Variants in CCDC149 observed in about 807,000 individuals in gnomAD.
The protein encoded by CCDC149 is coiled-coil domain containing 149, also known as coiled-coil domain-containing protein 149.
In CCDC149, 45 loss-of-function variants were observed where a neutral mutation model predicts 59.9. The observed-to-expected ratio is 0.75, with a 90% CI of 0.59 to 0.96. The LOEUF is 0.96. CCDC149 is among the 40% of genes least tolerant of loss of function. CCDC149 has a pLI of 0.00. For synonymous variants in CCDC149, 245 were observed against 260.6 expected (o/e 0.94, Z 0.58); for missense variants, 584 against 664.7 (o/e 0.88, Z 1.33).
chr4:24,837,303 T>C lies in CCDC149; in HGVS notation c.587A>G (p.Asn196Ser), dbSNP rs143719102. 2.3e-5 allele frequency: 37 copies of C among 1,614,084 alleles called. No individual in the cohort carries two copies. The African/African-American group carries it at 3.2e-4, about 14-fold the overall frequency. Reference sequence around the variant, plus strand: ...ACTCAGGATATGGTTCAGCTCCTGGTTGAGCCTCTCCACTTTGTCCTGGTA... The same window carrying C: ...ACTCAGGATATGGTTCAGCTCCTGGCTGAGCCTCTCCACTTTGTCCTGGTA... Residue 196 changes from asparagine to serine, a missense_variant, in exon 6 of 13, where the codon AAC becomes AGC. Transcript: ENST00000635206. The surrounding 1 kb of genome is among the most constrained non-coding windows in gnomAD (Gnocchi z 4.3).
intron 1 of CCDC149, among the ~76,000 whole-genome samples, chr4:24,968,575 C>A (rs181919074): frequency 9.5e-4 from 144 of 152,344 alleles, no homozygotes; most frequent in African/African-American, 3.4e-3. Context: ...CCTGAGCCTT[C>A]GCCATTTAAG....
intron 12 of CCDC149, among the ~76,000 whole-genome samples, chr4:24,813,932 G>C (rs1033464826): frequency 6.6e-6 from 1 of 152,206 alleles, no homozygotes; most frequent in African/African-American, 2.4e-5. Context: ...ACAAACATCA[G>C]TATCAACAGG....
chr4:24,932,598 A>G (rs566500129), intron 1 of CCDC149, among the ~76,000 whole-genome samples: 35 of 152,226 alleles, frequency 2.3e-4, no homozygotes, highest in Non-Finnish European at 4.4e-4. Context: ...CTGTAAATAA[A>G]TCCAGATCCC....
intron 3 of CCDC149, among the ~76,000 whole-genome samples, chr4:24,862,178 A>G (rs1718427481): frequency 6.6e-6 from 1 of 152,218 alleles, no homozygotes; most frequent in South Asian, 2.1e-4. Flanking sequence ...AAACATATGC[A>G]TAATGGTCTG....
At chr4:24,886,173 C>G (rs944211249) in intron 1 of CCDC149, among the ~76,000 whole-genome samples, 3 of 152,166 alleles carry the variant, frequency 2.0e-5, no homozygotes, top group African/African-American at 7.2e-5. Flanking sequence ...AACTGACATT[C>G]TAACAAAGGA....
rs527420208 is a variant in CCDC149, at chr4:24,945,778, C to T, written c.-65+34291G>A. ...CTGGGATTACAAGGGCCTGCCACCA[C>T]GCCCTGCTAATTTTTGTATTTTTAG... On this transcript the variant is annotated intron_variant, in intron 1 of 12. Transcript: ENST00000389609. Among the ~76,000 whole-genome samples, 16 of 152,162 alleles carry T rather than the reference C, an allele frequency of 1.1e-4. No individual in the cohort carries two copies. In the South Asian group the frequency reaches 1.9e-3, roughly 18 times the overall value.
chr4:24,967,599 G>C (rs1345137566), intron 1 of CCDC149, among the ~76,000 whole-genome samples: 1 of 150,638 alleles, frequency 6.6e-6, no homozygotes, highest in African/African-American at 2.4e-5. Flanking sequence ...GGGCAACGAT[G>C]GACTTCTACA....
At chr4:24,896,918 T>G (rs1192130122) in intron 1 of CCDC149, among the ~76,000 whole-genome samples, 1 of 152,228 alleles carries the variant, frequency 6.6e-6, no homozygotes, top group Non-Finnish European at 1.5e-5. Flanking sequence ...AAGTATTAAC[T>G]GAGAAACCAT....
chr4:24,861,263 G>GCACACA (rs35082191), intron 3 of CCDC149, among the ~76,000 whole-genome samples: 33 of 148,478 alleles, frequency 2.2e-4, no homozygotes, highest in African/African-American at 4.7e-4. Flanking sequence ...ATATATATAT[G>GCACACA]CACACACACA....
intron 1 of CCDC149, among the ~76,000 whole-genome samples, chr4:24,900,958 C>T (rs771663430): frequency 3.9e-5 from 6 of 152,162 alleles, no homozygotes; most frequent in Non-Finnish European, 8.8e-5. Context: ...AGGTCAAGGT[C>T]AGCATGAAGA....
At chr4:24,857,018 C>G (rs1184464044) in intron 3 of CCDC149, among the ~76,000 whole-genome samples, 1 of 152,154 alleles carries the variant, frequency 6.6e-6, no homozygotes, top group Non-Finnish European at 1.5e-5. Context: ...CAAAATTCAC[C>G]TAAACCTTCA....
chr4:24,931,180 A>G lies in CCDC149; in HGVS notation c.-64-36062T>C, dbSNP rs535452188. On this transcript the variant is annotated intron_variant, in intron 1 of 12. Transcript: ENST00000389609. The stretch of plus-strand genomic sequence containing the variant: ...TCCACCATGATCATCATATATATGT[A>G]TATGTGTGTATATATATATATGTAT... Among the ~76,000 whole-genome samples the G allele has an allele frequency of 1.4e-4, 21 of 150,414 alleles. No homozygotes were observed. The South Asian group carries it at 4.4e-3, about 31-fold the overall frequency.
intron 1 of CCDC149, among the ~76,000 whole-genome samples, chr4:24,968,303 G>A (rs954671880): frequency 1.3e-5 from 2 of 152,340 alleles, no homozygotes; most frequent in Middle Eastern, 3.4e-3. Flanking sequence ...TGTATATGCC[G>A]TCCTTGAGGC....
upstream of CCDC149, among the ~76,000 whole-genome samples, chr4:24,914,930 C>T (rs1722082241): frequency 1.3e-5 from 2 of 152,188 alleles, no homozygotes; most frequent in South Asian, 4.1e-4. Context: ...CATTGGTTTT[C>T]TGCCTGTTGT....
intron 3 of CCDC149, among the ~76,000 whole-genome samples, chr4:24,865,157 C>T (rs1718622417): frequency 6.6e-6 from 1 of 152,104 alleles, no homozygotes; most frequent in Non-Finnish European, 1.5e-5. Context: ...CGCAGACAGA[C>T]ATGCAAGCCC....
At chr4:24,812,902 A>G (rs913974776) in intron 12 of CCDC149, among the ~76,000 whole-genome samples, 8 of 152,120 alleles carry the variant, frequency 5.3e-5, no homozygotes, top group African/African-American at 1.7e-4. Context: ...AATTATCTCC[A>G]CCTGGCCCCA....
chr4:24,903,077 A>G (rs1018480107), intron 1 of CCDC149, among the ~76,000 whole-genome samples: 2 of 150,656 alleles, frequency 1.3e-5, no homozygotes. Context: ...CTGACAGCCT[A>G]TCTTCCCACC....
chr4:24,965,840 G>A (rs1723778917), intron 1 of CCDC149, among the ~76,000 whole-genome samples: 1 of 152,246 alleles, frequency 6.6e-6, no homozygotes, highest in Non-Finnish European at 1.5e-5. Flanking sequence ...TGACTCAGCA[G>A]GTTTGGAGTG....
intron 3 of CCDC149, among the ~76,000 whole-genome samples, chr4:24,869,794 G>A (rs1244588469): frequency 6.6e-6 from 1 of 152,204 alleles, no homozygotes; most frequent in Non-Finnish European, 1.5e-5. Flanking sequence ...AGAACATTGA[G>A]ACTCAAGACA....
Sources: gnomAD v4.1 joint callset for allele counts (sites outside exome capture counted in the v4.1 genomes callset) on GRCh38, gnomAD v4.1.1 for gene constraint, Gnocchi (gnomAD v3.1) non-coding constraint, MANE v1.5 for transcripts, NCBI Gene and HGNC (gene_info 2026-07-23, HGNC 2026-07-21) for gene names.